The following FBXO15 variants were observed in gnomAD, a reference collection of about 807,000 sequenced individuals.
FBXO15 encodes the protein F-box protein 15.
In FBXO15, 30 loss-of-function variants were observed where a neutral mutation model predicts 49.5. That is an observed-to-expected ratio of 0.61 (90% CI 0.45 to 0.82). The LOEUF (loss-of-function observed/expected upper bound fraction) is 0.82. Ranked by LOEUF, FBXO15 falls within the 40% of genes least tolerant of loss-of-function variation. The pLI, the probability that FBXO15 is intolerant of heterozygous loss-of-function variation, is 0.00. For synonymous variants in FBXO15, 250 were observed against 232.7 expected, an observed-to-expected ratio of 1.07 and a Z score of -0.68; for missense variants, 591 against 631.5, an observed-to-expected ratio of 0.94 and a Z score of 0.69.
chr18:74,095,476 C>T (rs907419772), intron 8 of FBXO15, among the ~76,000 whole-genome samples: 2 of 152,080 alleles, frequency 1.3e-5, no homozygotes, highest in African/African-American at 4.8e-5. Flanking sequence ...AATAGAAAGG[C>T]CTGAGGGGAG....
intron 9 of FBXO15, among the ~76,000 whole-genome samples, chr18:74,078,146 C>T (rs1912331261): frequency 6.6e-6 from 1 of 152,138 alleles, no homozygotes; most frequent in Non-Finnish European, 1.5e-5. Context: ...CTCCCACCTC[C>T]TCTGCTGCCA....
chr18:74,104,696 T>C (rs908772475), intron 8 of FBXO15, among the ~76,000 whole-genome samples: 6 of 152,150 alleles, frequency 3.9e-5, no homozygotes, highest in Admixed American at 3.3e-4. Flanking sequence ...AGAAGGTCAC[T>C]AAATAATGAT....
chr18:74,121,650 A>G (rs1167092517), intron 8 of FBXO15, among the ~76,000 whole-genome samples: 1 of 152,218 alleles, frequency 6.6e-6, no homozygotes, highest in Non-Finnish European at 1.5e-5. Context: ...TCTACAGGAC[A>G]CAGAAGCAGC....
At chr18:74,120,720 G>A (rs966080081) in intron 8 of FBXO15, among the ~76,000 whole-genome samples, 27 of 152,174 alleles carry the variant, frequency 1.8e-4, no homozygotes, top group African/African-American at 6.5e-4. Flanking sequence ...ATGATAAAAT[G>A]AAAGTTCTCA....
chr18:74,117,285 T>C (rs1364407569), intron 8 of FBXO15, among the ~76,000 whole-genome samples: 2 of 152,178 alleles, frequency 1.3e-5, no homozygotes, highest in African/African-American at 2.4e-5. Context: ...AGGCCAATTA[T>C]TCCTAACTCA....
chr18:74,115,835 G>T (rs1280792985), intron 8 of FBXO15, among the ~76,000 whole-genome samples: 1 of 152,114 alleles, frequency 6.6e-6, no homozygotes, highest in Non-Finnish European at 1.5e-5. Flanking sequence ...AAAATAATTT[G>T]ACAGAAAAAT....
chr18:74,138,327 T>C (rs1257259143), intron 2 of FBXO15, among the ~76,000 whole-genome samples: 1 of 152,120 alleles, frequency 6.6e-6, no homozygotes, highest in Non-Finnish European at 1.5e-5. Flanking sequence ...CCCCTTCCCT[T>C]GCATTCACCT....
At chr18:74,127,379 A>G (rs938560533) in intron 5 of FBXO15, among the ~76,000 whole-genome samples, 3 of 152,276 alleles carry the variant, frequency 2.0e-5, no homozygotes, top group African/African-American at 7.2e-5. Context: ...AGGGTGGGAC[A>G]GCACAAGCTG....
chr18:74,096,668 C>T (rs895319068), intron 8 of FBXO15, among the ~76,000 whole-genome samples: 1 of 149,096 alleles, frequency 6.7e-6, no homozygotes, highest in African/African-American at 2.5e-5. Flanking sequence ...ACACAAAAAA[C>T]AAACAACAAC....
chr18:74,127,231 CCTT>C (rs35466866), intron 5 of FBXO15, among the ~76,000 whole-genome samples: 7,333 of 152,232 alleles, frequency 0.048, 601 homozygotes, highest in African/African-American at 0.16. Flanking sequence ...ATGTGAGAAA[CCTT>C]CTTCTCTGAA....
At chr18:74,131,747 T>C (rs1978405963) in intron 3 of FBXO15, among the ~76,000 whole-genome samples, 2 of 152,172 alleles carry the variant, frequency 1.3e-5, no homozygotes, top group Non-Finnish European at 2.9e-5. Flanking sequence ...ACATTAATGA[T>C]TTGCTCATTT....
intron 8 of FBXO15, among the ~76,000 whole-genome samples, chr18:74,084,444 G>A (rs749729150): frequency 2.0e-5 from 3 of 152,236 alleles, no homozygotes; most frequent in Non-Finnish European, 4.4e-5. Context: ...CGCCTCAGGC[G>A]GGCAGGAGCA....
At chr18:74,118,226 T>C (rs1163759731) in intron 8 of FBXO15, among the ~76,000 whole-genome samples, 2 of 152,044 alleles carry the variant, frequency 1.3e-5, no homozygotes, top group Non-Finnish European at 2.9e-5. Flanking sequence ...CTGGAACTTC[T>C]GGGCTGAAGT....
chr18:74,117,735 A>T (rs569036790), intron 8 of FBXO15, among the ~76,000 whole-genome samples: 7 of 152,138 alleles, frequency 4.6e-5, no homozygotes, highest in African/African-American at 1.7e-4. Context: ...TTTAGCAGAA[A>T]CCTATAATGA....
intron 9 of FBXO15, 118 bp from the exon 10 acceptor site, chr18:74,073,848 T>C (rs1415809726): frequency 3.9e-6 from 5 of 1,288,276 alleles, no homozygotes; most frequent in Middle Eastern, 2.6e-4. Context: ...AAATCCAGAA[T>C]ACTATCATTG....
intron 8 of FBXO15, among the ~76,000 whole-genome samples, chr18:74,121,395 C>A (rs1261807609): frequency 5.3e-5 from 8 of 151,840 alleles, no homozygotes; most frequent in African/African-American, 1.9e-4. Flanking sequence ...AATATCTTAA[C>A]AAGAAATGTG....
chr18:74,098,725 T>C (rs890741312), intron 8 of FBXO15: 2 of 152,220 alleles, frequency 1.3e-5, no homozygotes, highest in African/African-American at 4.8e-5. Context: ...TTCACTGGCC[T>C]TGCTAGAGAC....
chr18:74,108,329 G>A (rs1263648736), intron 8 of FBXO15, among the ~76,000 whole-genome samples: 1 of 151,946 alleles, frequency 6.6e-6, no homozygotes, highest in African/African-American at 2.4e-5. Flanking sequence ...GAATAGGTAA[G>A]CAATGTAAAC....
intron 8 of FBXO15, among the ~76,000 whole-genome samples, chr18:74,092,823 G>C (rs1008007218): frequency 2.6e-5 from 4 of 152,172 alleles, no homozygotes; most frequent in African/African-American, 9.7e-5. Flanking sequence ...AAAGCATCAT[G>C]TGGTGGCAGC....
Sources: gnomAD v4.1 joint callset for allele counts (sites outside exome capture counted in the v4.1 genomes callset) on GRCh38, gnomAD v4.1.1 for gene constraint, MANE v1.5 for transcripts, NCBI Gene and HGNC (gene_info 2026-07-23, HGNC 2026-07-21) for gene names.